Variants in NR1D2 observed in about 807,000 individuals in gnomAD.
The protein encoded by NR1D2 is V-erbA-related protein 1-related.
NR1D2 carries 25 observed loss-of-function variants against 52.2 expected under a neutral mutation model. That is an observed-to-expected ratio of 0.48 (90% CI 0.35 to 0.67). The LOEUF (loss-of-function observed/expected upper bound fraction) is 0.67, where lower values mean the gene tolerates loss of function less well. Ranked by LOEUF, NR1D2 falls within the 30% of genes least tolerant of loss-of-function variation. NR1D2 has a pLI of 0.01. For synonymous variants in NR1D2, 259 were observed against 230.1 expected, an observed-to-expected ratio of 1.13 and a Z score of -1.14; for missense variants, 681 against 707.2, an observed-to-expected ratio of 0.96 and a Z score of 0.42.
At chr3:23,957,416 A>G (rs1352994383) in intron 3 of NR1D2, among the ~76,000 whole-genome samples, 1 of 79,902 alleles carries the variant, frequency 1.3e-5, no homozygotes, top group Non-Finnish European at 2.4e-5. Context: ...TTTTTTTTTT[A>G]CAAAAATGTG....
chr3:23,946,579 G>A (rs942493044), intron 1 of NR1D2: 1 of 152,216 alleles, frequency 6.6e-6, no homozygotes, highest in African/African-American at 2.4e-5. Flanking sequence ...AGATCCCTTC[G>A]GGCTGGAGTT....
At chr3:23,974,148 G>A (rs937939531) in intron 7 of NR1D2, among the ~76,000 whole-genome samples, 6 of 123,538 alleles carry the variant, frequency 4.9e-5, no homozygotes, top group African/African-American at 6.3e-5. Flanking sequence ...GCTCATGCCT[G>A]TAATCCCAGC....
chr3:23,945,842 C>T (rs1705668752), intron 1 of NR1D2, among the ~76,000 whole-genome samples: 1 of 150,706 alleles, frequency 6.6e-6, no homozygotes, highest in South Asian at 2.1e-4. Flanking sequence ...CCTCACATGG[C>T]CCGGCCGCGC....
chr3:23,962,981 A>G (rs1706325141), intron 5 of NR1D2, among the ~76,000 whole-genome samples: 1 of 151,404 alleles, frequency 6.6e-6, no homozygotes, highest in African/African-American at 2.4e-5. Context: ...TTCGCTTGCC[A>G]TAGTTAGAAA....
intron 5 of NR1D2, among the ~76,000 whole-genome samples, chr3:23,964,331 T>G (rs1575155328): frequency 6.6e-6 from 1 of 152,048 alleles, no homozygotes; most frequent in Non-Finnish European, 1.5e-5. Context: ...CCTGCCTCGG[T>G]CTCCCAAAGT....
chr3:23,950,102 C>G (rs1050986653), intron 1 of NR1D2, among the ~76,000 whole-genome samples: 1 of 152,164 alleles, frequency 6.6e-6, no homozygotes, highest in Non-Finnish European at 1.5e-5. Context: ...TTGGGACTTG[C>G]TGGTTTGGGG....
At chr3:23,959,139 A>G (rs1003761690) in intron 3 of NR1D2, among the ~76,000 whole-genome samples, 8 of 151,862 alleles carry the variant, frequency 5.3e-5, no homozygotes, top group Admixed American at 6.6e-5. Flanking sequence ...GTGGTGGCGC[A>G]TGCCTGTAGT....
Position 23,945,651 on chromosome 3 carries a change from G to C in NR1D2, c.16+57G>C, listed in dbSNP as rs1419858111. On this transcript the variant is annotated intron_variant, in intron 1 of 7. Coordinates refer to ENST00000312521, the MANE Select transcript of NR1D2 (RefSeq NM_005126.5). ...GCCGGAGGGAGCGCTCAGAGCCCGC[G>C]GGGCACTTTGGGGGGCGGCGGCAGG... 14 of 1,123,946 alleles carry C rather than the reference G, an allele frequency of 1.2e-5. No individual in the cohort carries two copies. The African/African-American group carries it at 1.6e-4, about 13-fold the overall frequency. The allele number at this position is 1,123,946 out of a possible 1,614,324, so 69.6% of individuals were successfully genotyped here.
At chr3:23,966,605 C>T (rs969073828) in intron 6 of NR1D2, among the ~76,000 whole-genome samples, 8 of 152,244 alleles carry the variant, frequency 5.3e-5, no homozygotes, top group Non-Finnish European at 7.3e-5. Context: ...CTATTTCTTG[C>T]TCTAATTTTA....
chr3:23,962,156 C>G lies in NR1D2; in HGVS notation c.697C>G (p.Leu233Val), dbSNP rs568438389. The G allele has an allele frequency of 1.4e-5, 22 of 1,614,078 alleles. No homozygotes were observed. The highest frequency in any genetic ancestry group is 1.7e-5 in the Non-Finnish European group (20 of 1,180,052). Residue 233 changes from leucine to valine, a missense_variant, in exon 5 of 8, where the codon CTG becomes GTG. By Grantham distance (32) the Leu-to-Val change is conservative. This residue lies in a region of NR1D2 where 475 missense variants were observed against 454.5 expected (regional missense o/e 1.05). Transcript: ENST00000312521. ...AQEQLRPKPQ[L>V]EQENIKSSSP... ...GGAACAGCTGCGACCCAAGCCCCAACTGGAGCAAGAAAACATCAAAAGCTC... is the reference window on the plus strand; with the variant it reads ...GGAACAGCTGCGACCCAAGCCCCAAGTGGAGCAAGAAAACATCAAAAGCTC...
intron 7 of NR1D2, among the ~76,000 whole-genome samples, chr3:23,968,872 G>T (rs1706516283): frequency 1.3e-5 from 2 of 152,132 alleles, no homozygotes; most frequent in African/African-American, 4.8e-5. Flanking sequence ...ATTTGGTTAT[G>T]ACTTTGTTTC....
rs1185339229 is a variant in NR1D2 at position 23,965,100 on chromosome 3, C to G, written c.1270C>G (p.Pro424Ala). Residue 424 changes from proline to alanine, a missense_variant, in exon 6 of 8, where the codon CCT becomes GCT. Coordinates refer to ENST00000312521, the MANE Select transcript of NR1D2 (RefSeq NM_005126.5). ...AGTGGTGGAATTTGCAAAGCGTATT[C>G]CTGGGTTCAGAGATCTCTCTCAGCA... ...KEVVEFAKRI[P>A]GFRDLSQHDQ... 2 of 1,613,940 alleles carry G rather than the reference C, an allele frequency of 1.2e-6. No homozygotes were observed. Among genetic ancestry groups the G allele is most frequent in the Non-Finnish European group, 1.7e-6 (2 of 1,179,994 alleles).
chr3:23,963,428 C>T, intron 5 of NR1D2: 1 of 1,193,088 alleles, frequency 8.4e-7, no homozygotes, highest in Non-Finnish European at 1.1e-6. Context: ...ATTCTGTGGA[C>T]CTTATGTTAG....
At chr3:23,974,117 G>A (rs1195481107) in intron 7 of NR1D2, among the ~76,000 whole-genome samples, 1 of 27,298 alleles carries the variant, frequency 3.7e-5, no homozygotes, top group African/African-American at 1.5e-4. Context: ...TTTTTTTTAA[G>A]TAGAAGGGAC....
At position 23,967,913 on chromosome 3, in the gene NR1D2, G is replaced by T. The variant is rs766722837; in HGVS notation, c.1433G>T (p.Gly478Val). The T allele has an allele frequency of 6.2e-7, 1 of 1,613,352 alleles. No individual in the cohort carries two copies. Among genetic ancestry groups the T allele is most frequent in the Non-Finnish European group, 8.5e-7 (1 of 1,179,302 alleles). The change falls in exon 7 of 8, where the codon GGA becomes GTA. Residue 478 changes from glycine (G) to valine (V), a missense_variant. Physicochemically the swap from Gly to Val is moderately radical, Grantham distance 109. Around this residue, in one of 3 missense-constraint regions of NR1D2, gnomAD observed 475 missense variants for 454.5 expected, o/e 1.05. Coordinates refer to ENST00000312521, the MANE Select transcript of NR1D2 (RefSeq NM_005126.5). The stretch of plus-strand genomic sequence containing the variant: ...AGTGTGGATGATTTACACTCAATGG[G>T]AGCAGGGGATCTGCTAAACTCTATG... ...KYSVDDLHSM[G>V]AGDLLNSMFE...
intron 6 of NR1D2, among the ~76,000 whole-genome samples, chr3:23,967,270 C>T (rs1270202098): frequency 2.0e-5 from 3 of 151,918 alleles, no homozygotes; most frequent in East Asian, 3.9e-4. Context: ...TTGCAGTGAG[C>T]TGAGATCGTG....
intron 7 of NR1D2, among the ~76,000 whole-genome samples, chr3:23,976,265 T>C (rs1053049140): frequency 2.6e-5 from 4 of 152,268 alleles, no homozygotes; most frequent in Non-Finnish European, 5.9e-5. Context: ...AGTTACCTAT[T>C]ACTGCATAAC....
chr3:23,957,965 G>A (rs957166707), intron 3 of NR1D2, among the ~76,000 whole-genome samples: 1 of 152,202 alleles, frequency 6.6e-6, no homozygotes, highest in Non-Finnish European at 1.5e-5. Context: ...AATGTGTTTA[G>A]TTGTCATATA....
intron 5 of NR1D2, chr3:23,963,457 TG>T (rs1706341850): frequency 3.5e-6 from 4 of 1,136,426 alleles, no homozygotes; most frequent in South Asian, 1.7e-5. Flanking sequence ...GTTGCTTTTT[TG>T]TTTTTTTTTT....
Sources: gnomAD v4.1 joint callset for allele counts (sites outside exome capture counted in the v4.1 genomes callset) on GRCh38, gnomAD v4.1.1 for gene constraint, gnomAD v4.1.1 regional missense constraint, MANE v1.5 for transcripts, NCBI Gene and HGNC (gene_info 2026-07-23, HGNC 2026-07-21) for gene names.